The following OR5B12 variants were observed in gnomAD, a reference collection of about 807,000 sequenced individuals.
OR5B12 encodes olfactory receptor family 5 subfamily B member 12.
For synonymous variants in OR5B12, 154 were observed against 138.0 expected, an observed-to-expected ratio of 1.12 and a Z score of -0.81; for missense variants, 418 against 377.0, an observed-to-expected ratio of 1.11 and a Z score of -0.90.
chr11:58,440,385 G>A (rs193192986), intron 1 of OR5B12, among the ~76,000 whole-genome samples: 12 of 151,954 alleles, frequency 7.9e-5, no homozygotes, highest in African/African-American at 1.2e-4. Context: ...AATTCATCCC[G>A]AACTCCTAAT....
chr11:58,441,724 A>G (rs1855503301), intron 1 of OR5B12, among the ~76,000 whole-genome samples: 1 of 152,206 alleles, frequency 6.6e-6, no homozygotes. Flanking sequence ...TACTTAGGCT[A>G]TGGATATAAC....
chr11:58,439,540 A>G lies in OR5B12; in HGVS notation c.612T>C (p.Asn204=). ...AGATTACCAGGATAGAAAAGAGGTC[A>G]TTGAATCCCACCACAAAAAAAATAA... The part of the protein sequence containing the change: ...EMVIFFVVGF[N]DLFSILVILI... Residue 204 remains asparagine, a synonymous_variant, in exon 2 of 2, where the codon AAT becomes AAC. Transcript: ENST00000641921. 1.9e-6 allele frequency: 3 copies of G among 1,613,502 alleles called. No individual in the cohort carries two copies. Among genetic ancestry groups the G allele is most frequent in the Middle Eastern group, 1.7e-4 (1 of 6,060 alleles).
intron 1 of OR5B12, among the ~76,000 whole-genome samples, chr11:58,441,171 T>C (rs1048313898): frequency 3.9e-5 from 6 of 152,292 alleles, no homozygotes; most frequent in South Asian, 4.1e-4. Flanking sequence ...AATTAGCACA[T>C]GAGATTAGGT....
Position 58,439,849 on chromosome 11 carries a change from G to A in OR5B12, c.303C>T (p.Phe101=). ...TTTCTGCAGTGATAAAGGCTACAAA[G>A]AAGAAGAATTGTGTGGCACAAGCAT... ...LYNACATQFF[F]FVAFITAESF... is the part of the protein sequence containing the mutation. The change falls in exon 2 of 2, where the codon TTC becomes TTT. Residue 101 remains phenylalanine, a synonymous_variant. Coordinates refer to ENST00000641921, the MANE Select transcript of OR5B12 (RefSeq NM_001004733.3). 1 of 1,614,134 alleles carries A rather than the reference G, an allele frequency of 6.2e-7. No homozygotes were observed.
rs1198603309 is a variant in OR5B12, at chr11:58,440,092, T to C, written c.60A>G (p.Glu20=). The C allele has an allele frequency of 6.2e-7, 1 of 1,613,830 alleles. No homozygotes were observed. Among genetic ancestry groups the C allele is most frequent in the South Asian group, 1.1e-5 (1 of 91,028 alleles). Residue 20 remains glutamate, a synonymous_variant, in exon 2 of 2, where the codon GAA becomes GAG. Coordinates refer to ENST00000641921, the MANE Select transcript of OR5B12 (RefSeq NM_001004733.3). The part of the protein sequence containing the change: ...FILVGLTDDP[E]LQIPLFIVFL... ...AGACTATGAAGAGTGGGATCTGCAG[T>C]TCTGGGTCATCAGTTAACCCCACAA...
rs78919061 is a variant in OR5B12, at chr11:58,439,891, G to A, written c.261C>T (p.Asp87=). 1.9e-6 allele frequency: 3 copies of A among 1,614,114 alleles called. No homozygotes were observed. The highest frequency in any genetic ancestry group is 1.7e-5 in the Admixed American group (1 of 59,974). The change falls in exon 2 of 2, where the codon GAC becomes GAT. Residue 87 remains aspartate (D), a synonymous_variant. Transcript: ENST00000641921. ...CACAAGCATTATATAATATGAATTT[G>A]TCTCCTGTGAGAAACCCCACCATCA... ...PKVMVGFLTG[D]KFILYNACAT...
In OR5B12 at chr11:58,440,048, A is replaced by G. The variant is rs775324339; in HGVS notation, c.104T>C (p.Ile35Thr). ...CATCCCCAGGTTCCCAACCAGAGTG[A>G]TGAGGTAGATGAAAAGGAAGACTAT... is the stretch of plus-strand genomic sequence containing the variant. ...LFIVFLFIYL[I>T]TLVGNLGMIE... The change falls in exon 2 of 2, where the codon ATC (isoleucine) becomes ACC (threonine). Residue 35 changes from isoleucine (I) to threonine (T), a missense_variant. Coordinates refer to ENST00000641921, the MANE Select transcript of OR5B12 (RefSeq NM_001004733.3). The G allele has an allele frequency of 6.2e-7, 1 of 1,614,118 alleles. No homozygotes were observed. The highest frequency in any genetic ancestry group is 8.5e-7 in the Non-Finnish European group (1 of 1,179,972).
chr11:58,439,229 GC>G lies in OR5B12; in HGVS notation c.922del (p.Ala308ProfsTer3), dbSNP rs1394474669. The G allele has an allele frequency of 6.3e-7, 1 of 1,584,734 alleles. No homozygotes were observed. The highest frequency in any genetic ancestry group is 1.4e-5 in the African/African-American group (1 of 73,994). On this transcript the variant is annotated frameshift_variant, in exon 2 of 2. Coordinates refer to ENST00000641921, the MANE Select transcript of OR5B12 (RefSeq NM_001004733.3). LOFTEE classifies it high-confidence loss of function. ...TAATTAAAATATGAATCCTATAGAG[GC>G]CTTTGCCTTCCCTACAGTCTTTTTA... ...AFKKTVGKAK[A>X]SIGFIF
In OR5B12 at chr11:58,440,185, A is replaced by C. The variant is rs1264050568; in HGVS notation, c.-19-15T>G. On this transcript the variant is annotated splice_polypyrimidine_tract_variant and intron_variant, in intron 1 of 1. Transcript: ENST00000641921. ...ATGTAGCTGCCCTGTAGAAATGAAA[A>C]GGCAGAATCAGAATGATAAATGGAG... 1.4e-6 allele frequency: 2 copies of C among 1,424,886 alleles called. No homozygotes were observed. Among genetic ancestry groups the C allele is most frequent in the African/African-American group, 2.8e-5 (2 of 70,206 alleles). The allele number at this position is 1,424,886 out of a possible 1,614,324, so 88.3% of individuals were successfully genotyped here.
chr11:58,439,943 C>T lies in OR5B12; in HGVS notation c.209G>A (p.Gly70Asp). The change falls in exon 2 of 2, where the codon GGT becomes GAT. Residue 70 changes from glycine (G) to aspartate (D), a missense_variant. Coordinates refer to ENST00000641921, the MANE Select transcript of OR5B12 (RefSeq NM_001004733.3). ...FLSNLSLVDF[G>D]YSSAVTPKVM... ...CTTGGGAGTGACAGCTGAGGAATAA[C>T]CAAAGTCCACCAGGGAGAGGTTACT... The T allele has an allele frequency of 6.2e-7, 1 of 1,614,036 alleles. No homozygotes were observed. Among genetic ancestry groups the T allele is most frequent in the Non-Finnish European group, 8.5e-7 (1 of 1,180,014 alleles).
chr11:58,441,768 A>C (rs1855504163), intron 1 of OR5B12, among the ~76,000 whole-genome samples: 1 of 152,188 alleles, frequency 6.6e-6, no homozygotes, highest in Non-Finnish European at 1.5e-5. Flanking sequence ...TTTGTGTTTA[A>C]ATTTGGGTTT....
chr11:58,441,062 T>C (rs1855494402), intron 1 of OR5B12, among the ~76,000 whole-genome samples: 1 of 152,190 alleles, frequency 6.6e-6, no homozygotes, highest in Non-Finnish European at 1.5e-5. Flanking sequence ...CTCAGAACTG[T>C]GTGATAGATG....
At chr11:58,441,532 A>G (rs1464971260) in intron 1 of OR5B12, among the ~76,000 whole-genome samples, 2 of 152,144 alleles carry the variant, frequency 1.3e-5, no homozygotes, top group African/African-American at 4.8e-5. Context: ...ATGTCACATG[A>G]TAAGTAAACA....
intron 1 of OR5B12, 125 bp from the exon 2 acceptor site, chr11:58,440,295 A>G (rs1855487645): frequency 3.6e-6 from 2 of 559,038 alleles, no homozygotes; most frequent in Admixed American, 3.4e-5. Flanking sequence ...TCCCGGATCT[A>G]AAACATGCCC....
At position 58,439,973 on chromosome 11, in the gene OR5B12, A is replaced by T. The variant is rs775125767; in HGVS notation, c.179T>A (p.Phe60Tyr). 1 of 1,614,154 alleles carries T rather than the reference A, an allele frequency of 6.2e-7. No homozygotes were observed. The highest frequency in any genetic ancestry group is 8.5e-7 in the Non-Finnish European group (1 of 1,180,030). ...GTCCACCAGGGAGAGGTTACTGAGGAAGAAGTACATGGGGGTGTGGAGACA... is the reference window on the plus strand; with the variant it reads ...GTCCACCAGGGAGAGGTTACTGAGGTAGAAGTACATGGGGGTGTGGAGACA... Reference protein sequence around the residue: ...DSCLHTPMYFFLSNLSLVDFG... With the variant: ...DSCLHTPMYFYLSNLSLVDFG... The change falls in exon 2 of 2, where the codon TTC (phenylalanine) becomes TAC (tyrosine). Residue 60 changes from phenylalanine (F) to tyrosine (Y), a missense_variant. Transcript: ENST00000641921.
chr11:58,440,013 T>A lies in OR5B12; in HGVS notation c.139A>T (p.Ile47Phe), dbSNP rs1056130633. The change falls in exon 2 of 2, where the codon ATT (isoleucine) becomes TTT (phenylalanine). Residue 47 changes from isoleucine to phenylalanine, a missense_variant. Transcript: ENST00000641921. ...GTGTGGAGACAGGAGTCCAGTAGAA[T>A]CAATTCAATCATCCCCAGGTTCCCA... ...LVGNLGMIEL[I>F]LLDSCLHTPM... The A allele has an allele frequency of 5.0e-6, 8 of 1,614,016 alleles. No homozygotes were observed. The highest frequency in any genetic ancestry group is 6.8e-6 in the Non-Finnish European group (8 of 1,180,006).
rs199703234 is a variant in OR5B12 at position 58,439,259 on chromosome 11, G to T, written c.893C>A (p.Ala298Asp). 1.2e-6 allele frequency: 2 copies of T among 1,612,052 alleles called. No individual in the cohort carries two copies. The highest frequency in any genetic ancestry group is 8.5e-7 in the Non-Finnish European group (1 of 1,178,968). ...TGCCTTCCCTACAGTCTTTTTAAAGGCACTCTTAACCTCTTTGTTCCTCAG... is the reference window on the plus strand; with the variant it reads ...TGCCTTCCCTACAGTCTTTTTAAAGTCACTCTTAACCTCTTTGTTCCTCAG... ...YSLRNKEVKS[A>D]FKKTVGKAKA... The change falls in exon 2 of 2, where the codon GCC (alanine) becomes GAC (aspartate). Residue 298 changes from alanine (A) to aspartate (D), a missense_variant. Physicochemically the swap from Ala to Asp is moderately radical, Grantham distance 126. Coordinates refer to ENST00000641921, the MANE Select transcript of OR5B12 (RefSeq NM_001004733.3).
Position 58,439,057 on chromosome 11 carries a change from G to A in OR5B12, c.*150C>T. The A allele has an allele frequency of 1.1e-5, 5 of 435,520 alleles. No individual in the cohort carries two copies. The highest frequency in any genetic ancestry group is 4.0e-5 in the Admixed American group (1 of 25,220). The allele number at this position is 435,520 out of a possible 1,614,324, so 27.0% of individuals were successfully genotyped here. On this transcript the variant is annotated 3_prime_UTR_variant, in exon 2 of 2. Coordinates refer to ENST00000641921, the MANE Select transcript of OR5B12 (RefSeq NM_001004733.3). ...TCCAGATTTTAACAACAAAAAAAGT[G>A]TCACTTAAAGAATGAAGAAAGTATG... is the stretch of plus-strand genomic sequence containing the variant.
At chr11:58,440,657 T>C (rs1855491100) in intron 1 of OR5B12, among the ~76,000 whole-genome samples, 1 of 152,214 alleles carries the variant, frequency 6.6e-6, no homozygotes, top group African/African-American at 2.4e-5. Flanking sequence ...TAGCATGAAA[T>C]TAGGAATCAA....
Sources: allele counts gnomAD v4.1 joint callset (sites outside exome capture counted in the v4.1 genomes callset), GRCh38; gene constraint gnomAD v4.1.1; transcripts MANE v1.5; gene names NCBI Gene and HGNC (gene_info 2026-07-23, HGNC 2026-07-21).